The following LRCH4 variants were observed in gnomAD, a reference collection of about 807,000 sequenced individuals.
LRCH4 encodes leucine-rich repeat and calponin homology domain-containing protein 4.
In LRCH4, 56 loss-of-function variants were observed where a neutral mutation model predicts 81.2. The observed-to-expected ratio is 0.69, with a 90% CI of 0.56 to 0.86. The LOEUF (loss-of-function observed/expected upper bound fraction) is 0.86. LRCH4 is among the 40% of genes least tolerant of loss of function. The pLI is 0.00. For missense variants in LRCH4, 895 were observed against 922.8 expected (o/e 0.97, Z 0.39); for synonymous variants, 442 against 409.7 (o/e 1.08, Z -0.95).
At chr7:100,579,039 G>A (rs1360930697) in intron 4 of LRCH4, 8 of 525,974 alleles carry the variant, frequency 1.5e-5, no homozygotes, top group Admixed American at 3.5e-5. Flanking sequence ...AGGCCCATCC[G>A]GACGTCAGGT....
chr7:100,574,628 G>GCACACACACACACACACACACACA lies in LRCH4; in HGVS notation c.*478_*479insTGTGTGTGTGTGTGTGTGTGTGTG, dbSNP rs1348217748. 1.1e-4 allele frequency: 15 copies of GCACACACACACACACACACACACA among 134,174 alleles called. No individual in the cohort carries two copies. The highest frequency in any genetic ancestry group is 4.3e-4 in the African/African-American group (14 of 32,568). The allele number at this position is 134,174 out of a possible 1,614,324, so 8.3% of individuals were successfully genotyped here. A position where few individuals can be genotyped will look rare whatever the true frequency, so the allele number is the denominator to read the frequency against. ...CAACACGCGGAGCAGACGCGCGCGC[G>GCACACACACACACACACACACACA]CGCGCACACACACACACACAGGCAG... On this transcript the variant is annotated 3_prime_UTR_variant, in exon 18 of 18. Transcript: ENST00000310300.
Position 100,583,257 on chromosome 7 carries a change from G to A in LRCH4, c.221-798C>T, listed in dbSNP as rs781095530. Among the ~76,000 whole-genome samples, 14 of 152,186 alleles carry A rather than the reference G, an allele frequency of 9.2e-5. No homozygotes were observed. Among genetic ancestry groups the A allele is most frequent in the Non-Finnish European group, 1.8e-4 (12 of 68,028 alleles). On this transcript the variant is annotated intron_variant, in intron 1 of 17. Coordinates refer to ENST00000310300, the MANE Select transcript of LRCH4 (RefSeq NM_002319.5). This position sits in a 1 kb window ranked among gnomAD's most constrained non-coding sequence, Gnocchi z 4.3. ...CAGACTTCAAGAGATCAGCAACTGT[G>A]TGAGCATCTCAGGCACGGCGAGGGT...
chr7:100,580,985 C>T (rs1259353841), intron 4 of LRCH4: 3 of 152,336 alleles, frequency 2.0e-5, no homozygotes, highest in Admixed American at 6.5e-5. Context: ...GGGGCAGAGG[C>T]TATCAGTGCA....
Position 100,578,003 on chromosome 7 carries a change from C to T in LRCH4, c.949-91G>A. On this transcript the variant is annotated intron_variant, in intron 7 of 17. Coordinates refer to ENST00000310300, the MANE Select transcript of LRCH4 (RefSeq NM_002319.5). The surrounding 1 kb of genome is among the most constrained non-coding windows in gnomAD (Gnocchi z 5.7). ...TCCTGTGTGGGACTAAGCTCAGGGT[C>T]TCTGCTGAGCCAGCCCTTCCCTGGG... The T allele has an allele frequency of 7.6e-7, 1 of 1,314,002 alleles. No homozygotes were observed. The allele number at this position is 1,314,002 out of a possible 1,614,324, so 81.4% of individuals were successfully genotyped here. A position where few individuals can be genotyped will look rare whatever the true frequency, so the allele number is the denominator to read the frequency against.
At position 100,582,599 on chromosome 7, in the gene LRCH4, A is replaced by G; in HGVS notation, c.221-140T>C. ...CCATCAATGTGGCCTCCCAGGAGAG[A>G]TAACAAAGCCTTCTGCCAACGGGAG... On this transcript the variant is annotated intron_variant, in intron 1 of 17. Transcript: ENST00000310300. The surrounding 1 kb of genome is among the most constrained non-coding windows in gnomAD (Gnocchi z 5.0). 1 of 854,188 alleles carries G rather than the reference A, an allele frequency of 1.2e-6. No homozygotes were observed. Among genetic ancestry groups the G allele is most frequent in the Non-Finnish European group, 1.8e-6 (1 of 556,176 alleles). The allele number at this position is 854,188 out of a possible 1,614,324, so 52.9% of individuals were successfully genotyped here.
intron 13 of LRCH4, 52 bp downstream of exon 13, chr7:100,576,850 A>G (rs1801378173): frequency 2.6e-6 from 4 of 1,535,932 alleles, no homozygotes; most frequent in Non-Finnish European, 3.5e-6. Context: ...CTCTCTCCCA[A>G]CCAGCCCTCA....
Position 100,582,111 on chromosome 7 carries a change from A to G in LRCH4, c.422T>C (p.Leu141Pro). 6.2e-7 allele frequency: 1 copy of G among 1,612,582 alleles called. No individual in the cohort carries two copies. The highest frequency in any genetic ancestry group is 8.5e-7 in the Non-Finnish European group (1 of 1,179,796). Residue 141 changes from leucine (L) to proline (P), a missense_variant, in exon 3 of 18, where the codon CTC becomes CCC. This residue lies in a region of LRCH4 where 360 missense variants were observed against 397.0 expected (regional missense o/e 0.91). Coordinates refer to ENST00000310300, the MANE Select transcript of LRCH4 (RefSeq NM_002319.5). The surrounding 1 kb of genome is among the most constrained non-coding windows in gnomAD (Gnocchi z 5.0). ...PYICQLPLRV[L>P]IVSNNKLGAL... The stretch of plus-strand genomic sequence containing the variant: ...TCCCAGCTTGTTGTTGCTGACGATG[A>G]GGACCCTCAGGGGCAGCTGGCAGAT...
Position 100,582,412 on chromosome 7 carries a change from G to A in LRCH4, c.268C>T (p.Leu90=). 3.7e-6 allele frequency: 6 copies of A among 1,613,474 alleles called. No individual in the cohort carries two copies. The highest frequency in any genetic ancestry group is 5.1e-6 in the Non-Finnish European group (6 of 1,180,006). The change falls in exon 2 of 18, where the codon CTG becomes TTG. Residue 90 remains leucine (L), a synonymous_variant. Transcript: ENST00000310300. This position sits in a 1 kb window ranked among gnomAD's most constrained non-coding sequence, Gnocchi z 5.0. ...AGGCTCAGGCCCTCCAGGGACACCA[G>A]CTGGCACGCCGCCTCGGGCACCTCG... ...FPEVPEAACQ[L]VSLEGLSLYH... is the part of the protein sequence containing the mutation.
chr7:100,585,189 G>C (rs1801688648), intron 1 of LRCH4: 1 of 198,914 alleles, frequency 5.0e-6, no homozygotes, highest in African/African-American at 2.4e-5. Flanking sequence ...GGAATTCTAA[G>C]ATCCCTATGA....
intron 4 of LRCH4, 108 bp downstream of exon 4, chr7:100,581,669 T>C: frequency 1.2e-6 from 1 of 862,980 alleles, no homozygotes; most frequent in Non-Finnish European, 1.9e-6. Context: ...GAAAAATGAA[T>C]GCCTGCCATG....
At position 100,575,719 on chromosome 7, in the gene LRCH4, T is replaced by C. The variant is rs370210208; in HGVS notation, c.1840A>G (p.Met614Val). 1.7e-5 allele frequency: 28 copies of C among 1,613,804 alleles called. No individual in the cohort carries two copies. The highest frequency in any genetic ancestry group is 2.2e-5 in the Non-Finnish European group (26 of 1,179,872). ...AGCCCCCATACCTCAGGCACCCCCA[T>C]TTTTCGACAGGCTTCTAGAAAACTC... ...VESFLEACRK[M>V]GVPEADLCSP... The change falls in exon 17 of 18, where the codon ATG becomes GTG. Residue 614 changes from methionine to valine, a missense_variant. Physicochemically the swap from Met to Val is conservative, Grantham distance 21 (BLOSUM62 1). Coordinates refer to ENST00000310300, the MANE Select transcript of LRCH4 (RefSeq NM_002319.5). This position sits in a 1 kb window ranked among gnomAD's most constrained non-coding sequence, Gnocchi z 5.3.
chr7:100,574,632 G>GCGCACACACACACACACACACACACACA lies in LRCH4; in HGVS notation c.*474_*475insTGTGTGTGTGTGTGTGTGTGTGTGTGCG, dbSNP rs200891670. On this transcript the variant is annotated 3_prime_UTR_variant, in exon 18 of 18. Transcript: ENST00000310300. ...ACGCGGAGCAGACGCGCGCGCGCGC[G>GCGCACACACACACACACACACACACACA]CACACACACACACACAGGCAGGGCG... 8.6e-5 allele frequency: 13 copies of GCGCACACACACACACACACACACACACA among 152,016 alleles called. No homozygotes were observed. Among genetic ancestry groups the GCGCACACACACACACACACACACACACA allele is most frequent in the African/African-American group, 3.0e-4 (12 of 40,404 alleles). The allele number at this position is 152,016 out of a possible 1,614,324, so 9.4% of individuals were successfully genotyped here. A position where few individuals can be genotyped will look rare whatever the true frequency, so the allele number is the denominator to read the frequency against.
rs767194526 is a variant in LRCH4, at chr7:100,577,054, G to A, written c.1364+32C>T. On this transcript the variant is annotated intron_variant, in intron 12 of 17. Coordinates refer to ENST00000310300, the MANE Select transcript of LRCH4 (RefSeq NM_002319.5). This position sits in a 1 kb window ranked among gnomAD's most constrained non-coding sequence, Gnocchi z 6.7. ...AGAGGGATGATGGTCATAGGAAGAG[G>A]AGTGGGGAGGGGATGCTGGCAGGAA... The A allele has an allele frequency of 1.8e-5, 29 of 1,614,022 alleles. 1 individual carries two copies. In the South Asian group the frequency reaches 2.5e-4, roughly 14 times the overall value.
Position 100,577,200 on chromosome 7 carries a change from C to T in LRCH4, c.1296-46G>A, listed in dbSNP as rs748334008. The T allele has an allele frequency of 1.9e-6, 3 of 1,611,076 alleles. No individual in the cohort carries two copies. The Admixed American group carries it at 5.0e-5, about 27-fold the overall frequency. Reference sequence around the variant, plus strand: ...GTCAGCTAGCCCCAAGGCAGAACGGCTCAGCGGGGCTCGGTGGCCCCATTT... The same window carrying T: ...GTCAGCTAGCCCCAAGGCAGAACGGTTCAGCGGGGCTCGGTGGCCCCATTT... On this transcript the variant is annotated intron_variant, in intron 11 of 17. Transcript: ENST00000310300. This position sits in a 1 kb window ranked among gnomAD's most constrained non-coding sequence, Gnocchi z 6.7.
rs761780984 is a variant in LRCH4, at chr7:100,575,621, C to T, written c.1854+84G>A. ...GTGCCTTCATCTGAGAGCAGACATCCGCTGCAAATGGAAGCCCACCATCCA... is the reference window on the plus strand; with the variant it reads ...GTGCCTTCATCTGAGAGCAGACATCTGCTGCAAATGGAAGCCCACCATCCA... On this transcript the variant is annotated intron_variant, in intron 17 of 17. Transcript: ENST00000310300. This position sits in a 1 kb window ranked among gnomAD's most constrained non-coding sequence, Gnocchi z 5.3. 1.8e-5 allele frequency: 27 copies of T among 1,498,138 alleles called. No individual in the cohort carries two copies. The highest frequency in any genetic ancestry group is 6.9e-5 in the African/African-American group (5 of 72,690). 92.8% of individuals were successfully genotyped at this position (1,498,138 alleles called of 1,614,324 possible).
At chr7:100,585,843 G>A (rs1801722301) in intron 1 of LRCH4, 38 bp downstream of exon 1, 3 of 1,523,396 alleles carry the variant, frequency 2.0e-6, no homozygotes, top group Non-Finnish European at 8.8e-7. Context: ...CTATGCAAAT[G>A]AGGGACCCGG....
At position 100,578,855 on chromosome 7, in the gene LRCH4, C is replaced by T. The variant is rs1013141290; in HGVS notation, c.599-69G>A. The T allele has an allele frequency of 3.2e-6, 5 of 1,543,768 alleles. No homozygotes were observed. In the Admixed American group the frequency reaches 5.4e-5, roughly 17 times the overall value. On this transcript the variant is annotated intron_variant, in intron 4 of 17. Transcript: ENST00000310300. The surrounding 1 kb of genome is among the most constrained non-coding windows in gnomAD (Gnocchi z 5.7). ...CTGTGGCCTCGTGCTCACTCCCTCACCCTTGGCTCCAGCTGGCCAGTCACC... is the reference window on the plus strand; with the variant it reads ...CTGTGGCCTCGTGCTCACTCCCTCATCCTTGGCTCCAGCTGGCCAGTCACC...
rs1332302502 is a variant in LRCH4, at chr7:100,577,446, T to C, written c.1178+51A>G. 6.2e-7 allele frequency: 1 copy of C among 1,602,024 alleles called. No homozygotes were observed. The highest frequency in any genetic ancestry group is 1.7e-5 in the Admixed American group (1 of 60,014). On this transcript the variant is annotated intron_variant, in intron 10 of 17. Coordinates refer to ENST00000310300, the MANE Select transcript of LRCH4 (RefSeq NM_002319.5). The surrounding 1 kb of genome is among the most constrained non-coding windows in gnomAD (Gnocchi z 6.7). ...ACCCCGGGGTCAGGGAAGGAGGCGG[T>C]TGGGGGGTGGGAGGATCGGGCAGTG...
At chr7:100,581,600 C>A in intron 4 of LRCH4, 177 bp downstream of exon 4, 2 of 583,950 alleles carry the variant, frequency 3.4e-6, no homozygotes, top group Non-Finnish European at 6.1e-6. Flanking sequence ...AGGAAAAGCA[C>A]CCTGCCAGAA....
Sources: gnomAD v4.1 joint callset for allele counts (sites outside exome capture counted in the v4.1 genomes callset) on GRCh38, gnomAD v4.1.1 for gene constraint, gnomAD v4.1.1 regional missense constraint, Gnocchi (gnomAD v3.1) non-coding constraint, MANE v1.5 for transcripts, NCBI Gene and HGNC (gene_info 2026-07-23, HGNC 2026-07-21) for gene names.